Variants in STOX2 observed in about 807,000 individuals in gnomAD.
STOX2 encodes storkhead box 2, also known as storkhead-box protein 2.
STOX2 carries 28 observed loss-of-function variants against 60.9 expected under a neutral mutation model. The ratio of observed to expected loss-of-function variants is 0.46; its 90% CI spans 0.34 to 0.63. The LOEUF is 0.63. STOX2 is among the 30% of genes least tolerant of loss of function. The pLI, the probability that STOX2 is intolerant of heterozygous loss-of-function variation, is 0.01. For synonymous variants in STOX2, 472 were observed against 463.9 expected, an observed-to-expected ratio of 1.02 and a Z score of -0.22; for missense variants, 1,024 against 1,187.7, an observed-to-expected ratio of 0.86 and a Z score of 2.03.
At chr4:183,881,271 G>A (rs1228507695) in intron 1 of STOX2, among the ~76,000 whole-genome samples, 1 of 152,136 alleles carries the variant, frequency 6.6e-6, no homozygotes, top group African/African-American at 2.4e-5. Flanking sequence ...GGGAGGCTGA[G>A]GTGGGCGGAT....
intron 1 of STOX2, among the ~76,000 whole-genome samples, chr4:183,912,737 A>T (rs576393799): frequency 6.6e-6 from 1 of 152,128 alleles, no homozygotes; most frequent in Non-Finnish European, 1.5e-5. Context: ...CCTTATTCAC[A>T]TCTCTATTTT....
At chr4:183,839,672 G>T (rs2111129352) in intron 1 of STOX2, among the ~76,000 whole-genome samples, 1 of 152,286 alleles carries the variant, frequency 6.6e-6, no homozygotes, top group East Asian at 1.9e-4. Flanking sequence ...CGCGAACTGT[G>T]TCCTCTTGAC....
chr4:183,913,369 C>T (rs1263353508), intron 1 of STOX2, among the ~76,000 whole-genome samples: 5 of 151,894 alleles, frequency 3.3e-5, no homozygotes, highest in East Asian at 1.9e-4. Context: ...GGTGTCAGAT[C>T]GTGGCTTGCA....
intron 1 of STOX2, among the ~76,000 whole-genome samples, chr4:183,955,387 C>T (rs774268222): frequency 3.9e-5 from 6 of 152,176 alleles, no homozygotes; most frequent in Non-Finnish European, 7.3e-5. Context: ...TAAAAAATAG[C>T]CTTTAACTTT....
intron 1 of STOX2, among the ~76,000 whole-genome samples, chr4:183,809,290 A>G (rs1438094799): frequency 6.6e-6 from 1 of 152,092 alleles, no homozygotes; most frequent in Non-Finnish European, 1.5e-5. Context: ...ACATGTCACT[A>G]TGTTGCCCAG....
intron 1 of STOX2, among the ~76,000 whole-genome samples, chr4:183,956,809 G>A (rs1024760592): frequency 6.6e-6 from 1 of 151,950 alleles, no homozygotes; most frequent in African/African-American, 2.4e-5. Flanking sequence ...TAATGTCAGA[G>A]TTTTCCAACC....
chr4:183,877,124 A>T (rs1340743162), intron 1 of STOX2, among the ~76,000 whole-genome samples: 1 of 152,192 alleles, frequency 6.6e-6, no homozygotes, highest in Non-Finnish European at 1.5e-5. Flanking sequence ...AAACTAAAAA[A>T]ATTATATGTG....
At chr4:183,867,192 A>G (rs1740589012) in intron 1 of STOX2, among the ~76,000 whole-genome samples, 1 of 152,186 alleles carries the variant, frequency 6.6e-6, no homozygotes, top group African/African-American at 2.4e-5. Context: ...ATGTGGGCAC[A>G]CCCAGTGTTT....
chr4:183,798,045 C>G (rs1738668110), exon 1 of STOX2: 1 of 1,229,312 alleles, frequency 8.1e-7, no homozygotes, highest in Non-Finnish European at 1.0e-6. Context: ...GCTTCCACAT[C>G]CGCTGCCTGG....
chr4:183,965,626 T>C (rs945096195), intron 1 of STOX2, among the ~76,000 whole-genome samples: 2 of 152,130 alleles, frequency 1.3e-5, no homozygotes, highest in African/African-American at 4.8e-5. Flanking sequence ...ATCAACATAT[T>C]GAGATCATTA....
At chr4:183,831,677 C>A (rs140138467) in intron 1 of STOX2, among the ~76,000 whole-genome samples, 1 of 152,030 alleles carries the variant, frequency 6.6e-6, no homozygotes, top group Admixed American at 6.6e-5. Context: ...GTGATGGATG[C>A]GCTGAGGGCC....
rs1397707726 is a variant in STOX2, at chr4:183,836,797, G to A, written c.364+38742G>A. Among the ~76,000 whole-genome samples the A allele has an allele frequency of 2.0e-5, 3 of 152,230 alleles. No homozygotes were observed. Among genetic ancestry groups the A allele is most frequent in the Admixed American group, 2.0e-4 (3 of 15,286 alleles). ...TATTGGAAATCTCCTAGTTGGCTCAGTGGAACTACAAAACTTCACTTAGGG... is the reference window on the plus strand; with the variant it reads ...TATTGGAAATCTCCTAGTTGGCTCAATGGAACTACAAAACTTCACTTAGGG... On this transcript the variant is annotated intron_variant, in intron 1 of 2. Coordinates refer to the STOX2 transcript ENST00000513034. The surrounding 1 kb of genome is among the most constrained non-coding windows in gnomAD (Gnocchi z 4.1).
intron 1 of STOX2, among the ~76,000 whole-genome samples, chr4:183,897,858 G>A (rs1209140729): frequency 1.3e-5 from 2 of 152,124 alleles, no homozygotes; most frequent in Non-Finnish European, 2.9e-5. Flanking sequence ...TCACATTGGG[G>A]CTTCTCCACG....
intron 1 of STOX2, among the ~76,000 whole-genome samples, chr4:183,919,458 G>A (rs1742033110): frequency 6.6e-6 from 1 of 152,152 alleles, no homozygotes; most frequent in African/African-American, 2.4e-5. Flanking sequence ...TGTTAAGCTC[G>A]GCAGTGGCTC....
chr4:183,902,156 A>C (rs1270946263), upstream of STOX2, among the ~76,000 whole-genome samples: 1 of 152,234 alleles, frequency 6.6e-6, no homozygotes, highest in Non-Finnish European at 1.5e-5. Context: ...AATGAGCAAC[A>C]ATGAATAAGA....
rs141648905 is a variant in STOX2, at chr4:183,921,666, T to C, written c.166+14710T>C. Among the ~76,000 whole-genome samples, 429 of 152,266 alleles carry C rather than the reference T, an allele frequency of 2.8e-3. 5 individuals are homozygous for C. The highest frequency in any genetic ancestry group is 9.9e-3 in the African/African-American group (411 of 41,554). On this transcript the variant is annotated intron_variant, in intron 1 of 3. Coordinates refer to ENST00000308497, the MANE Select transcript of STOX2 (RefSeq NM_020225.3). ...TCCTTGGAATGTATAAGATTTAATA[T>C]AATACAAATAAAGGAAACCCCAGCT...
chr4:183,980,036 C>T (rs1732593070), intron 1 of STOX2, among the ~76,000 whole-genome samples: 1 of 152,154 alleles, frequency 6.6e-6, no homozygotes, highest in African/African-American at 2.4e-5. Flanking sequence ...TATTTGACAG[C>T]ACAAATATAG....
At chr4:183,910,630 AC>A (rs371536262) in intron 1 of STOX2, among the ~76,000 whole-genome samples, 1 of 152,340 alleles carries the variant, frequency 6.6e-6, no homozygotes, top group African/African-American at 2.4e-5. Context: ...GTTCTACAGC[AC>A]ATGATCCTTA....
intron 1 of STOX2, among the ~76,000 whole-genome samples, chr4:183,945,564 G>A (rs184203538): frequency 2.8e-3 from 432 of 152,302 alleles, no homozygotes; most frequent in African/African-American, 9.9e-3. Context: ...AATGCCTGTA[G>A]GCCTGCATTT....
Sources: allele counts gnomAD v4.1 joint callset (sites outside exome capture counted in the v4.1 genomes callset), GRCh38; gene constraint gnomAD v4.1.1; non-coding constraint Gnocchi (gnomAD v3.1); transcripts MANE v1.5; gene names NCBI Gene and HGNC (gene_info 2026-07-23, HGNC 2026-07-21).